NRCAM: variants seen among roughly 807,000 people sequenced by gnomAD.
The protein encoded by NRCAM is NgCAM-related cell adhesion molecule.
NRCAM carries 83 observed loss-of-function variants against 156.5 expected under a neutral mutation model. The ratio of observed to expected loss-of-function variants is 0.53; its 90% CI spans 0.44 to 0.64. NRCAM has a LOEUF of 0.64. NRCAM is among the 30% of genes least tolerant of loss of function. The probability of loss-of-function intolerance (pLI) is 0.00; values close to 1 mark genes in which losing one functional copy is unlikely to be tolerated. For missense variants in NRCAM, 1,417 were observed against 1,597.3 expected (o/e 0.89, Z 1.92); for synonymous variants, 538 against 563.9 (o/e 0.95, Z 0.65).
intron 1 of NRCAM, among the ~76,000 whole-genome samples, chr7:108,422,563 A>G (rs901354420): frequency 1.3e-5 from 2 of 152,310 alleles, no homozygotes; most frequent in Admixed American, 6.5e-5. Context: ...AGTACACTTA[A>G]AGTAAAAGAT....
At chr7:108,403,662 G>A (rs17155687) in intron 1 of NRCAM, among the ~76,000 whole-genome samples, 7,820 of 152,116 alleles carry the variant, frequency 0.051, 267 homozygotes, top group East Asian at 0.1. Flanking sequence ...ATGAGGTTTC[G>A]GCATCATTAG....
chr7:108,242,760 G>T (rs1481445114), intron 3 of NRCAM, among the ~76,000 whole-genome samples: 1 of 152,144 alleles, frequency 6.6e-6, no homozygotes, highest in East Asian at 1.9e-4. Flanking sequence ...ACAGAGGCTG[G>T]AGAACTAATA....
chr7:108,278,393 G>A (rs10464627), intron 3 of NRCAM, among the ~76,000 whole-genome samples: 6,507 of 152,250 alleles, frequency 0.043, 182 homozygotes, highest in South Asian at 0.11. Flanking sequence ...AGTGGGTTCT[G>A]CCCAGTTTGA....
intron 30 of NRCAM, among the ~76,000 whole-genome samples, chr7:108,161,577 CTT>C (rs1037448590): frequency 6.6e-6 from 1 of 152,098 alleles, no homozygotes; most frequent in African/African-American, 2.4e-5. Context: ...TTATATCATG[CTT>C]TTAATTTGAC....
intron 32 of NRCAM, among the ~76,000 whole-genome samples, chr7:108,154,234 T>C (rs1035037902): frequency 2.0e-5 from 3 of 152,302 alleles, no homozygotes; most frequent in East Asian, 1.9e-4. Flanking sequence ...ACCAATGGAA[T>C]GGAATATAGG....
intron 6 of NRCAM, 71 bp from the exon 7 acceptor site, chr7:108,232,593 C>A: frequency 1.9e-6 from 2 of 1,068,254 alleles, no homozygotes; most frequent in East Asian, 2.6e-5. Flanking sequence ...AAATTCCTAG[C>A]AGTTTTATGG....
chr7:108,345,050 G>C (rs2099340084), intron 2 of NRCAM, among the ~76,000 whole-genome samples: 1 of 152,282 alleles, frequency 6.6e-6, no homozygotes, highest in African/African-American at 2.4e-5. Flanking sequence ...CTGATGAACA[G>C]GGGATAAAGA....
intron 2 of NRCAM, among the ~76,000 whole-genome samples, chr7:108,356,702 A>G (rs1434701851): frequency 6.6e-6 from 1 of 152,234 alleles, no homozygotes; most frequent in African/African-American, 2.4e-5. Context: ...TAAAAAGCAT[A>G]CACAATGAAT....
intron 1 of NRCAM, among the ~76,000 whole-genome samples, chr7:108,437,225 T>C (rs1376342899): frequency 6.6e-6 from 1 of 152,042 alleles, no homozygotes; most frequent in African/African-American, 2.4e-5. Flanking sequence ...TCAAAACAAT[T>C]GAACTCATGG....
At chr7:108,218,418 C>A (rs1229883210) in intron 11 of NRCAM, among the ~76,000 whole-genome samples, 1 of 152,140 alleles carries the variant, frequency 6.6e-6, no homozygotes. Context: ...TTCTATTCAA[C>A]AGCACATGGA....
chr7:108,209,256 C>T (rs1015378662), intron 12 of NRCAM, among the ~76,000 whole-genome samples, 165 bp downstream of exon 12: 1 of 152,114 alleles, frequency 6.6e-6, no homozygotes, highest in Non-Finnish European at 1.5e-5. Context: ...AAATTTTTAA[C>T]CTGATTTAGA....
At chr7:108,376,536 G>A (rs1274215044) in intron 2 of NRCAM, among the ~76,000 whole-genome samples, 2 of 152,122 alleles carry the variant, frequency 1.3e-5, no homozygotes, top group East Asian at 3.9e-4. Context: ...AGGGGTTACA[G>A]CAGAGGTTCC....
At chr7:108,245,565 A>T (rs955264608) in intron 3 of NRCAM, among the ~76,000 whole-genome samples, 1 of 152,202 alleles carries the variant, frequency 6.6e-6, no homozygotes, top group Non-Finnish European at 1.5e-5. Flanking sequence ...ATGGTACAAT[A>T]TTCATAAAGT....
intron 1 of NRCAM, among the ~76,000 whole-genome samples, chr7:108,413,394 G>A (rs1488521710): frequency 6.6e-6 from 1 of 152,064 alleles, no homozygotes; most frequent in Non-Finnish European, 1.5e-5. Flanking sequence ...TTGTTATTGA[G>A]TTGTTTCAGT....
chr7:108,423,780 A>T (rs1813407825), intron 1 of NRCAM, among the ~76,000 whole-genome samples: 1 of 152,220 alleles, frequency 6.6e-6, no homozygotes, highest in Admixed American at 6.5e-5. Flanking sequence ...GGGTGATAAC[A>T]CTCAGAGGCT....
At chr7:108,360,098 C>T in intron 2 of NRCAM, among the ~76,000 whole-genome samples, 1 of 152,034 alleles carries the variant, frequency 6.6e-6, no homozygotes, top group Non-Finnish European at 1.5e-5. Flanking sequence ...TGTATGGAGG[C>T]CTTTGAAAAT....
intron 2 of NRCAM, among the ~76,000 whole-genome samples, chr7:108,322,199 T>A (rs1206134078): frequency 6.6e-6 from 1 of 152,194 alleles, no homozygotes; most frequent in East Asian, 1.9e-4. Context: ...AACATTCTTT[T>A]TAGATGTTCT....
At chr7:108,204,588 C>T (rs1007544447) in intron 13 of NRCAM, among the ~76,000 whole-genome samples, 7 of 152,366 alleles carry the variant, frequency 4.6e-5, no homozygotes, top group Admixed American at 2.6e-4. Context: ...ACCAGCACCA[C>T]GGAGCGGCCT....
At chr7:108,273,995 G>A (rs1351656772) in intron 3 of NRCAM, among the ~76,000 whole-genome samples, 1 of 152,210 alleles carries the variant, frequency 6.6e-6, no homozygotes, top group Admixed American at 6.5e-5. Context: ...TTATTAAATA[G>A]GGAATCCTTT....
Sources: allele counts gnomAD v4.1 joint callset (sites outside exome capture counted in the v4.1 genomes callset), GRCh38; gene constraint gnomAD v4.1.1; transcripts MANE v1.5; gene names NCBI Gene and HGNC (gene_info 2026-07-23, HGNC 2026-07-21).